Variants in DNAH8 observed in about 807,000 individuals in gnomAD.
DNAH8 encodes the protein dynein axonemal heavy chain 8.
DNAH8 carries 382 observed loss-of-function variants against 562.1 expected under a neutral mutation model. The ratio of observed to expected loss-of-function variants is 0.68; its 90% CI spans 0.63 to 0.74. The LOEUF is 0.74. Among genes scored for constraint, DNAH8 ranks in the 30% least tolerant of loss-of-function variants. DNAH8 has a pLI of 0.00. For synonymous variants in DNAH8, 1,881 were observed against 1,919.4 expected (o/e 0.98, Z 0.52); for missense variants, 5,203 against 5,620.4 (o/e 0.93, Z 2.37).
intron 21 of DNAH8, among the ~76,000 whole-genome samples, chr6:38,798,364 C>T (rs1216941725): frequency 6.6e-6 from 1 of 152,186 alleles, no homozygotes; most frequent in African/African-American, 2.4e-5. Context: ...TGGCGTACCC[C>T]TAAGGCACTT....
intron 75 of DNAH8, 117 bp from the exon 76 acceptor site, chr6:38,931,694 C>G: frequency 3.5e-6 from 2 of 564,470 alleles, no homozygotes; most frequent in Non-Finnish European, 6.0e-6. Context: ...TTGTAACTTT[C>G]CTTCCCAATT....
At position 38,845,641 on chromosome 6, in the gene DNAH8, G is replaced by C; in HGVS notation, c.4913G>C (p.Trp1638Ser). The change falls in exon 36 of 93, where the codon TGG (tryptophan) becomes TCG (serine). Residue 1638 changes from tryptophan (W) to serine (S), a missense_variant. By Grantham distance (177) the Trp-to-Ser change is radical. Transcript: ENST00000327475. Reference sequence around the variant, plus strand: ...AAGCTGACTCAGGTGATTGAGAATTGGACCAACCAAAATCTGAGTTTTGCA... The same window carrying C: ...AAGCTGACTCAGGTGATTGAGAATTCGACCAACCAAAATCTGAGTTTTGCA... Reference protein sequence around the residue: ...EAKLTQVIENWTNQNLSFAAF... With the variant: ...EAKLTQVIENSTNQNLSFAAF... The C allele has an allele frequency of 6.2e-7, 1 of 1,613,896 alleles. No homozygotes were observed. Among genetic ancestry groups the C allele is most frequent in the Non-Finnish European group, 8.5e-7 (1 of 1,179,856 alleles).
intron 88 of DNAH8, among the ~76,000 whole-genome samples, chr6:39,003,791 A>C (rs1162963948): frequency 6.6e-6 from 1 of 152,180 alleles, no homozygotes; most frequent in Non-Finnish European, 1.5e-5. Flanking sequence ...TCATCTTTGT[A>C]CACTTGTCTG....
At chr6:38,870,357 T>C (rs1434882031) in intron 48 of DNAH8, 44 bp from the exon 49 acceptor site, 1 of 1,582,606 alleles carries the variant, frequency 6.3e-7, no homozygotes, top group East Asian at 2.2e-5. Context: ...GATAAATGTT[T>C]GTTGACTGAA....
chr6:38,902,614 TGG>T (rs1780151528), intron 62 of DNAH8, among the ~76,000 whole-genome samples: 1 of 152,220 alleles, frequency 6.6e-6, no homozygotes, highest in Admixed American at 6.5e-5. Context: ...CTTCTGTTTC[TGG>T]GGATCCTTGA....
intron 79 of DNAH8, among the ~76,000 whole-genome samples, chr6:38,943,522 A>G (rs1367379772): frequency 6.6e-6 from 1 of 152,212 alleles, no homozygotes; most frequent in Non-Finnish European, 1.5e-5. Context: ...GCTTTCTGCA[A>G]TATTTGCAAG....
chr6:38,906,037 C>T (rs981377205), intron 62 of DNAH8, among the ~76,000 whole-genome samples: 4 of 151,854 alleles, frequency 2.6e-5, no homozygotes, highest in Non-Finnish European at 5.9e-5. Context: ...TCCCAAGTAG[C>T]TGGGATTATA....
intron 8 of DNAH8, among the ~76,000 whole-genome samples, chr6:38,746,694 C>T (rs375358990): frequency 3.1e-4 from 47 of 152,066 alleles, no homozygotes; most frequent in African/African-American, 1.1e-3. Context: ...TTTGGGAGGC[C>T]GAGGTGGGTG....
At chr6:38,846,150 C>T (rs759874471) in intron 36 of DNAH8, among the ~76,000 whole-genome samples, 4 of 152,198 alleles carry the variant, frequency 2.6e-5, no homozygotes, top group Middle Eastern at 3.4e-3. Context: ...CCCAATGGCC[C>T]GGGAAAAGCC....
intron 65 of DNAH8, among the ~76,000 whole-genome samples, chr6:38,910,617 T>G (rs1780815695): frequency 6.6e-6 from 1 of 152,116 alleles, no homozygotes; most frequent in African/African-American, 2.4e-5. Flanking sequence ...TGGAGATAAA[T>G]TTTTACCTTT....
At chr6:38,744,962 A>T (rs1013068737) in intron 8 of DNAH8, among the ~76,000 whole-genome samples, 6 of 152,170 alleles carry the variant, frequency 3.9e-5, no homozygotes, top group Non-Finnish European at 5.9e-5. Context: ...GAAGTAATTC[A>T]CTATGACTCC....
intron 57 of DNAH8, among the ~76,000 whole-genome samples, chr6:38,888,538 T>C (rs1360576431): frequency 1.3e-5 from 2 of 151,876 alleles, no homozygotes; most frequent in Non-Finnish European, 2.9e-5. Flanking sequence ...TATAAATCAG[T>C]CAGTCAAGAA....
At chr6:38,776,209 C>A in intron 13 of DNAH8, among the ~76,000 whole-genome samples, 1 of 146,826 alleles carries the variant, frequency 6.8e-6, no homozygotes. Context: ...GCTTTTATAG[C>A]TAGGATTCTT....
chr6:39,000,789 G>A (rs989510584), intron 88 of DNAH8, among the ~76,000 whole-genome samples: 5 of 152,222 alleles, frequency 3.3e-5, no homozygotes, highest in Middle Eastern at 3.4e-3. Flanking sequence ...CTTTTCCGCC[G>A]CCTCCCCTCC....
intron 70 of DNAH8, among the ~76,000 whole-genome samples, chr6:38,919,776 C>T (rs1385384068): frequency 2.6e-5 from 4 of 152,038 alleles, no homozygotes; most frequent in East Asian, 1.9e-4. Flanking sequence ...TGAAAATAAG[C>T]GAGTTACCAA....
At chr6:39,000,035 G>A (rs1181227043) in intron 88 of DNAH8, among the ~76,000 whole-genome samples, 1 of 152,050 alleles carries the variant, frequency 6.6e-6, no homozygotes, top group Non-Finnish European at 1.5e-5. Flanking sequence ...AAATTTTCAT[G>A]TCCTTTAAAT....
chr6:38,847,410 TG>T (rs1775385075), intron 36 of DNAH8, among the ~76,000 whole-genome samples: 1 of 151,942 alleles, frequency 6.6e-6, no homozygotes, highest in African/African-American at 2.4e-5. Context: ...TGTCCTTATT[TG>T]GAAGATGTTT....
intron 88 of DNAH8, among the ~76,000 whole-genome samples, chr6:39,006,854 T>G (rs1278469175): frequency 1.3e-5 from 2 of 152,184 alleles, no homozygotes; most frequent in South Asian, 4.1e-4. Flanking sequence ...ACTTTCTAGT[T>G]TACCCTTATA....
chr6:38,927,743 A>G (rs1444749852), intron 74 of DNAH8, among the ~76,000 whole-genome samples: 3 of 151,968 alleles, frequency 2.0e-5, no homozygotes, highest in African/African-American at 7.3e-5. Flanking sequence ...GAATGCTGCT[A>G]TTTTTTCTGA....
Sources: gnomAD v4.1 joint callset for allele counts (sites outside exome capture counted in the v4.1 genomes callset) on GRCh38, gnomAD v4.1.1 for gene constraint, MANE v1.5 for transcripts, NCBI Gene and HGNC (gene_info 2026-07-23, HGNC 2026-07-21) for gene names.